SHISA6: variants seen among roughly 807,000 people sequenced by gnomAD.
The protein encoded by SHISA6 is shisa family member 6, also known as protein shisa-6.
Under a neutral mutation model 47.9 loss-of-function variants are expected in SHISA6, and 22 were observed. That is an observed-to-expected ratio of 0.46 (90% confidence interval 0.33 to 0.66). The LOEUF is 0.66. SHISA6 is among the 30% of genes least tolerant of loss of function. SHISA6 has a pLI of 0.02. For missense variants in SHISA6, 680 were observed against 764.6 expected, an observed-to-expected ratio of 0.89 and a Z score of 1.30; for synonymous variants, 388 against 337.8, an observed-to-expected ratio of 1.15 and a Z score of -1.63.
chr17:11,525,763 C>T (rs561296491), intron 3 of SHISA6, among the ~76,000 whole-genome samples: 17 of 151,178 alleles, frequency 1.1e-4, no homozygotes, highest in Admixed American at 2.0e-4. Flanking sequence ...CACCTGTAAT[C>T]CCAGCACTTT....
chr17:11,438,259 A>C (rs2908952), intron 3 of SHISA6, among the ~76,000 whole-genome samples: 75,214 of 152,008 alleles, frequency 0.49, 19,700 homozygotes, highest in African/African-American at 0.67. Flanking sequence ...CCTCACTTTT[A>C]TCCAAACATT....
In SHISA6 at chr17:11,241,558, AG is replaced by A; in HGVS notation, c.139del (p.Ala47ProfsTer12). The A allele has an allele frequency of 9.2e-7, 1 of 1,089,100 alleles. No individual in the cohort carries two copies. The highest frequency in any genetic ancestry group is 1.1e-6 in the Non-Finnish European group (1 of 899,538). The allele number at this position is 1,089,100 out of a possible 1,614,324, so 67.5% of individuals were successfully genotyped here. A position where few individuals can be genotyped will look rare whatever the true frequency, so the allele number is the denominator to read the frequency against. ...AGGCGGCGCTGCCGTCGGGGGCCGG[AG>A]GGCCGGGGGCGCCCTGGCACGGGGC... The part of the protein sequence containing the change: ...SAGGAAVGGR[R>X]AGGALARGGR... On this transcript the variant is annotated frameshift_variant, in exon 1 of 6. Transcript: ENST00000441885. LOFTEE classifies it high-confidence loss of function. This position sits in a 1 kb window ranked among gnomAD's most constrained non-coding sequence, Gnocchi z 5.5.
intron 2 of SHISA6, among the ~76,000 whole-genome samples, chr17:11,355,960 A>G (rs1912065558): frequency 6.6e-6 from 1 of 152,242 alleles, no homozygotes; most frequent in Non-Finnish European, 1.5e-5. Context: ...AAGGACCAAC[A>G]TGGCGGATGA....
intron 2 of SHISA6, among the ~76,000 whole-genome samples, 175 bp downstream of exon 2, chr17:11,263,701 C>T (rs1247894130): frequency 6.6e-6 from 1 of 152,118 alleles, no homozygotes; most frequent in East Asian, 1.9e-4. Flanking sequence ...TTGGAATGGG[C>T]AAGACTGCTG....
chr17:11,422,512 G>A (rs967835673), intron 3 of SHISA6, among the ~76,000 whole-genome samples: 4 of 152,184 alleles, frequency 2.6e-5, no homozygotes, highest in African/African-American at 9.7e-5. Flanking sequence ...AACACTTTGG[G>A]AGGCCAAGGC....
intron 3 of SHISA6, among the ~76,000 whole-genome samples, chr17:11,454,366 T>G (rs1304138549): frequency 1.3e-5 from 2 of 152,164 alleles, no homozygotes; most frequent in Admixed American, 1.3e-4. Flanking sequence ...CTGCACCCTC[T>G]TCCTACAGCC....
intron 3 of SHISA6, among the ~76,000 whole-genome samples, chr17:11,423,239 G>GTATATATA (rs71142209): frequency 6.7e-5 from 9 of 134,624 alleles, no homozygotes; most frequent in South Asian, 2.5e-4. Context: ...GTGTGTGTGT[G>GTATATATA]TATATATATA....
At chr17:11,361,510 C>CTGTA (rs1411316127) in intron 2 of SHISA6, among the ~76,000 whole-genome samples, 1 of 152,184 alleles carries the variant, frequency 6.6e-6, no homozygotes, top group Non-Finnish European at 1.5e-5. Context: ...TGTCCGTGGA[C>CTGTA]TGTAACTCCA....
intron 2 of SHISA6, among the ~76,000 whole-genome samples, chr17:11,276,832 C>T (rs866347144): frequency 1.8e-4 from 28 of 152,170 alleles, no homozygotes; most frequent in Admixed American, 7.2e-4. Flanking sequence ...TCATTCAGGA[C>T]GACTTCAATA....
intron 3 of SHISA6, among the ~76,000 whole-genome samples, chr17:11,535,557 C>T (rs561958184): frequency 6.6e-6 from 1 of 152,278 alleles, no homozygotes; most frequent in African/African-American, 2.4e-5. Flanking sequence ...CAGTGTGAAC[C>T]TTTGTCCAAG....
chr17:11,403,749 C>T (rs759547285), intron 3 of SHISA6, among the ~76,000 whole-genome samples: 9 of 152,200 alleles, frequency 5.9e-5, no homozygotes, highest in Admixed American at 6.5e-5. Context: ...TACCTAATTA[C>T]ATAGGATACT....
intron 3 of SHISA6, among the ~76,000 whole-genome samples, chr17:11,481,384 A>ATATATG (rs1916215580): frequency 1.3e-5 from 2 of 148,224 alleles, no homozygotes; most frequent in African/African-American, 2.5e-5. Flanking sequence ...ATATATATAT[A>ATATATG]TATTTAGAAA....
At chr17:11,451,013 A>C (rs1227957773) in intron 3 of SHISA6, among the ~76,000 whole-genome samples, 1 of 149,868 alleles carries the variant, frequency 6.7e-6, no homozygotes, top group East Asian at 1.9e-4. Context: ...AAAAAAAAAA[A>C]CAGATTTGGC....
Position 11,241,294 on chromosome 17 carries a change from CCATCGCCCCGGAGCCGCTGACCGCT to C in SHISA6, c.-126_-102del. Reference sequence around the variant, plus strand: ...CACTGCCGCCCGCGCCTCGATGGCGCCATCGCCCCGGAGCCGCTGACCGCTCAGCGCCTCCAGCCCGGCCCGCGCG... The same window carrying C: ...CACTGCCGCCCGCGCCTCGATGGCGCCAGCGCCTCCAGCCCGGCCCGCGCG... On this transcript the variant is annotated 5_prime_UTR_variant, in exon 1 of 6. It removes the in-frame stop codon of an upstream open reading frame in the 5' UTR. Coordinates refer to ENST00000441885, the MANE Select transcript of SHISA6 (RefSeq NM_207386.4). This position sits in a 1 kb window ranked among gnomAD's most constrained non-coding sequence, Gnocchi z 5.5. The C allele has an allele frequency of 2.1e-6, 1 of 473,456 alleles. No homozygotes were observed. Among genetic ancestry groups the C allele is most frequent in the Non-Finnish European group, 2.8e-6 (1 of 363,564 alleles). 29.3% of individuals were successfully genotyped at this position (473,456 alleles called of 1,614,324 possible).
At chr17:11,388,168 CA>C (rs1309878730) in intron 3 of SHISA6, among the ~76,000 whole-genome samples, 1 of 152,074 alleles carries the variant, frequency 6.6e-6, no homozygotes, top group Non-Finnish European at 1.5e-5. Flanking sequence ...TCCGGAGAGC[CA>C]GGGGAGTGAG....
intron 2 of SHISA6, among the ~76,000 whole-genome samples, chr17:11,364,100 G>C (rs1182205448): frequency 6.6e-6 from 1 of 152,126 alleles, no homozygotes; most frequent in African/African-American, 2.4e-5. Context: ...TGACTTGCCT[G>C]CCCTGCAACA....
chr17:11,558,736 C>G lies in SHISA6; in HGVS notation c.*432C>G, dbSNP rs906729141. ...CAGCGGGTCCAATCAGTGGGCTGAC[C>G]GGATAGGCTACTCGGTCTCATTCAT... On this transcript the variant is annotated 3_prime_UTR_variant, in exon 6 of 6. Transcript: ENST00000441885. 4.5e-6 allele frequency: 1 copy of G among 221,474 alleles called. No individual in the cohort carries two copies. The highest frequency in any genetic ancestry group is 2.3e-5 in the African/African-American group (1 of 44,086). The allele number at this position is 221,474 out of a possible 1,614,324, so 13.7% of individuals were successfully genotyped here. A position where few individuals can be genotyped will look rare whatever the true frequency, so the allele number is the denominator to read the frequency against.
At chr17:11,272,419 C>T (rs1379923979) in intron 2 of SHISA6, among the ~76,000 whole-genome samples, 2 of 152,194 alleles carry the variant, frequency 1.3e-5, no homozygotes, top group African/African-American at 4.8e-5. Flanking sequence ...CTGGGCTCCT[C>T]CGTCCTTGCA....
chr17:11,356,500 G>A (rs1912084322), intron 2 of SHISA6, among the ~76,000 whole-genome samples: 1 of 152,204 alleles, frequency 6.6e-6, no homozygotes, highest in African/African-American at 2.4e-5. Flanking sequence ...CACCCAAGGA[G>A]ATGAGGGTGT....
Sources: gnomAD v4.1 joint callset for allele counts (sites outside exome capture counted in the v4.1 genomes callset) on GRCh38, gnomAD v4.1.1 for gene constraint, Gnocchi (gnomAD v3.1) non-coding constraint, MANE v1.5 for transcripts, NCBI Gene and HGNC (gene_info 2026-07-23, HGNC 2026-07-21) for gene names.